FRYL: variants seen among roughly 807,000 people sequenced by gnomAD.
FRYL encodes the protein protein furry homolog-like.
In FRYL, 150 loss-of-function variants were observed where a neutral mutation model predicts 351.2. The ratio of observed to expected loss-of-function variants is 0.43; its 90% CI spans 0.37 to 0.49. The LOEUF (loss-of-function observed/expected upper bound fraction) is 0.49. Ranked by LOEUF, FRYL falls within the 20% of genes least tolerant of loss-of-function variation. The probability of loss-of-function intolerance (pLI) is 0.00; values close to 1 mark genes in which losing one functional copy is unlikely to be tolerated. For missense variants in FRYL, 3,036 were observed against 3,619.3 expected (o/e 0.84, Z 4.13); for synonymous variants, 1,153 against 1,257.1 (o/e 0.92, Z 1.75).
intron 7 of FRYL, among the ~76,000 whole-genome samples, chr4:48,615,953 C>T (rs1296498317): frequency 3.3e-5 from 5 of 152,078 alleles, no homozygotes; most frequent in East Asian, 1.9e-4. Context: ...TCTCAGCAAA[C>T]TAACACAAGA....
At chr4:48,530,615 A>C (rs747008414) in intron 50 of FRYL, among the ~76,000 whole-genome samples, 1 of 151,954 alleles carries the variant, frequency 6.6e-6, no homozygotes. Flanking sequence ...ATCACACTCT[A>C]CTTGCATTTT....
intron 3 of FRYL, among the ~76,000 whole-genome samples, chr4:48,649,727 T>G (rs1443480641): frequency 1.3e-5 from 2 of 152,198 alleles, no homozygotes; most frequent in Non-Finnish European, 2.9e-5. Context: ...GTCACTTCAT[T>G]GTTGTTACTG....
intron 49 of FRYL, among the ~76,000 whole-genome samples, chr4:48,533,061 C>T (rs534841310): frequency 6.6e-6 from 1 of 152,210 alleles, no homozygotes; most frequent in South Asian, 2.1e-4. Flanking sequence ...ATGAAAACCA[C>T]CAGAGGAAGC....
intron 9 of FRYL, among the ~76,000 whole-genome samples, chr4:48,607,834 C>G (rs980587572): frequency 6.6e-6 from 1 of 152,180 alleles, no homozygotes; most frequent in Non-Finnish European, 1.5e-5. Context: ...ACTATCCTTG[C>G]CATCTAGAGT....
At chr4:48,716,201 G>A (rs1253576873) in intron 1 of FRYL, among the ~76,000 whole-genome samples, 7 of 151,830 alleles carry the variant, frequency 4.6e-5, no homozygotes, top group Non-Finnish European at 1.0e-4. Flanking sequence ...TTACCATTCA[G>A]GACATAGGCA....
Position 48,582,572 on chromosome 4 carries a change from G to A in FRYL, c.1911C>T (p.Ala637=), listed in dbSNP as rs368466108. 5.0e-6 allele frequency: 8 copies of A among 1,613,790 alleles called. No individual in the cohort carries two copies. The highest frequency in any genetic ancestry group is 1.7e-5 in the Admixed American group (1 of 59,986). The change falls in exon 20 of 64, where the codon GCC becomes GCT. Residue 637 remains alanine, a synonymous_variant. Coordinates refer to ENST00000358350, the MANE Select transcript of FRYL (RefSeq NM_015030.2). ...TTATTAATTGTACCAACATCTTTAC[G>A]GCATTATCAAGAAGTGTGGGATGGA... ...TDVHPTLLDN[A]VKMLVQLINQ...
intron 3 of FRYL, among the ~76,000 whole-genome samples, chr4:48,657,528 G>A (rs1759501526): frequency 6.6e-6 from 1 of 151,992 alleles, no homozygotes; most frequent in Admixed American, 6.6e-5. Flanking sequence ...AGAGCTTACT[G>A]CAAGATTGTC....
intron 2 of FRYL, among the ~76,000 whole-genome samples, chr4:48,688,623 T>A (rs6414691): frequency 0.99 from 148,449 of 150,204 alleles, 73,379 homozygotes; most frequent in East Asian, 1. Flanking sequence ...TAAATTTTTT[T>A]AAAAATGAAC....
In FRYL at chr4:48,723,802, A is replaced by G. The variant is rs538706875; in HGVS notation, c.-383-13104T>C. On this transcript the variant is annotated intron_variant, in intron 1 of 63. Coordinates refer to ENST00000358350, the MANE Select transcript of FRYL (RefSeq NM_015030.2). ...GTAACCAGAATGATCTTTTAAAAAT[A>G]TAGCCAGGCATGGTAGCTCACACCT... Among the ~76,000 whole-genome samples the G allele has an allele frequency of 5.9e-5, 9 of 152,032 alleles. No homozygotes were observed. In the South Asian group the frequency reaches 1.9e-3, roughly 32 times the overall value.
chr4:48,715,544 T>C (rs1373405537), intron 1 of FRYL, among the ~76,000 whole-genome samples: 2 of 151,120 alleles, frequency 1.3e-5, no homozygotes, highest in Non-Finnish European at 3.0e-5. Flanking sequence ...GAGAATAAAA[T>C]ACCTAGGAAT....
intron 7 of FRYL, chr4:48,619,068 A>G: frequency 2.5e-6 from 1 of 407,746 alleles, no homozygotes; most frequent in Non-Finnish European, 4.3e-6. Flanking sequence ...ATCTTGGATA[A>G]GCATACAAAG....
At position 48,593,018 on chromosome 4, in the gene FRYL, A is replaced by T. The variant is rs185277839; in HGVS notation, c.1335+912T>A. On this transcript the variant is annotated intron_variant, in intron 16 of 63. Transcript: ENST00000358350. ...AAGAATTAATTTATGAAATATTTTGAAAAATCCTGAAAATCTAATGTCTAA... is the reference window on the plus strand; with the variant it reads ...AAGAATTAATTTATGAAATATTTTGTAAAATCCTGAAAATCTAATGTCTAA... Among the ~76,000 whole-genome samples the T allele has an allele frequency of 2.6e-5, 4 of 152,310 alleles. No individual in the cohort carries two copies. In the East Asian group the frequency reaches 7.7e-4, roughly 29 times the overall value.
intron 6 of FRYL, 115 bp downstream of exon 6, chr4:48,620,523 AG>A: frequency 1.9e-6 from 2 of 1,028,014 alleles, no homozygotes; most frequent in Middle Eastern, 2.3e-4. Context: ...TTGTAACAAA[AG>A]TAATCAACGC....
intron 26 of FRYL, chr4:48,571,902 T>C: frequency 1.4e-5 from 14 of 985,238 alleles, no homozygotes; most frequent in Non-Finnish European, 1.7e-5. Flanking sequence ...CCTTCTGAAA[T>C]TCAGAAGAAT....
At chr4:48,656,028 AATGT>A (rs964341840) in intron 3 of FRYL, among the ~76,000 whole-genome samples, 8 of 136,228 alleles carry the variant, frequency 5.9e-5, no homozygotes, top group African/African-American at 1.6e-4. Flanking sequence ...TGTAAAATAT[AATGT>A]ATGTATAATA....
At chr4:48,664,994 TA>T (rs1466708146) in intron 3 of FRYL, among the ~76,000 whole-genome samples, 2 of 152,182 alleles carry the variant, frequency 1.3e-5, no homozygotes, top group African/African-American at 4.8e-5. Flanking sequence ...AGTGGGTTTC[TA>T]AAAAAGGTAA....
At chr4:48,682,205 T>C (rs1368685733) in intron 3 of FRYL, among the ~76,000 whole-genome samples, 1 of 152,170 alleles carries the variant, frequency 6.6e-6, no homozygotes, top group African/African-American at 2.4e-5. Flanking sequence ...ATTTGCATAG[T>C]ATTTCAAAAG....
At chr4:48,532,417 G>A (rs996771651) in intron 49 of FRYL, among the ~76,000 whole-genome samples, 3 of 152,192 alleles carry the variant, frequency 2.0e-5, no homozygotes. Flanking sequence ...CAGTACTTTG[G>A]GGGGCCAATG....
intron 9 of FRYL, among the ~76,000 whole-genome samples, chr4:48,608,711 G>A (rs534199303): frequency 9.9e-5 from 15 of 152,166 alleles, no homozygotes; most frequent in Non-Finnish European, 1.8e-4. Context: ...TTAAAAATAG[G>A]GAAAAAGATA....
Sources: gnomAD v4.1 joint callset for allele counts (sites outside exome capture counted in the v4.1 genomes callset) on GRCh38, gnomAD v4.1.1 for gene constraint, MANE v1.5 for transcripts, NCBI Gene and HGNC (gene_info 2026-07-23, HGNC 2026-07-21) for gene names.